Variants in NPTX2 observed in about 807,000 individuals in gnomAD.
NPTX2 encodes neuronal pentraxin-2.
NPTX2 carries 23 observed loss-of-function variants against 38.1 expected under a neutral mutation model. The observed-to-expected ratio is 0.60, with a 90% CI of 0.43 to 0.85. The LOEUF (loss-of-function observed/expected upper bound fraction) is 0.85. Ranked by LOEUF, NPTX2 falls within the 40% of genes least tolerant of loss-of-function variation. The pLI is 0.00. For missense variants in NPTX2, 553 were observed against 615.3 expected, an observed-to-expected ratio of 0.90 and a Z score of 1.07; for synonymous variants, 291 against 287.3, an observed-to-expected ratio of 1.01 and a Z score of -0.13.
rs928063046 is a variant in NPTX2, at chr7:98,625,219, G to T, written c.888+53G>T. On this transcript the variant is annotated intron_variant, in intron 3 of 4. Coordinates refer to ENST00000265634, the MANE Select transcript of NPTX2 (RefSeq NM_002523.3). Reference sequence around the variant, plus strand: ...CCCAGAACCCATCATGTGGTGGAGGGAGCCACAGCCCCCACCCCAGCCGTC... The same window carrying T: ...CCCAGAACCCATCATGTGGTGGAGGTAGCCACAGCCCCCACCCCAGCCGTC... 7 of 1,539,046 alleles carry T rather than the reference G, an allele frequency of 4.5e-6. No individual in the cohort carries two copies. The African/African-American group carries it at 9.5e-5, about 21-fold the overall frequency.
chr7:98,619,995 A>T, intron 2 of NPTX2, 136 bp downstream of exon 2: 2 of 749,106 alleles, frequency 2.7e-6, no homozygotes, highest in East Asian at 2.7e-5. Context: ...TGAGCAAATA[A>T]TAAAGGCGAC....
At chr7:98,625,201 C>A in intron 3 of NPTX2, 35 bp downstream of exon 3, 1 of 1,554,388 alleles carries the variant, frequency 6.4e-7, no homozygotes, top group Non-Finnish European at 8.7e-7. Flanking sequence ...CTCCCCAGAA[C>A]CCATCATGTG....
At chr7:98,626,337 G>A (rs1282918333) in intron 3 of NPTX2, among the ~76,000 whole-genome samples, 1 of 151,428 alleles carries the variant, frequency 6.6e-6, no homozygotes, top group African/African-American at 2.4e-5. Context: ...TGGAGGCGGG[G>A]GCAGTTCAGC....
At chr7:98,624,834 G>A in intron 2 of NPTX2, 88 bp from the exon 3 acceptor site, 1 of 1,501,024 alleles carries the variant, frequency 6.7e-7, no homozygotes, top group South Asian at 1.3e-5. Context: ...ACCTTCTTGT[G>A]GGTCTAGCAA....
chr7:98,619,771 C>CCTTG lies in NPTX2; in HGVS notation c.557_558insTGCT (p.Leu187AlafsTer5). The CCTTG allele has an allele frequency of 1.2e-6, 2 of 1,613,686 alleles. No individual in the cohort carries two copies. Among genetic ancestry groups the CCTTG allele is most frequent in the Non-Finnish European group, 1.7e-6 (2 of 1,180,034 alleles). On this transcript the variant is annotated frameshift_variant, in exon 2 of 5. Transcript: ENST00000265634. LOFTEE classifies it high-confidence loss of function. The stretch of plus-strand genomic sequence containing the variant: ...TGGCAGAGCTGGAGGACGAGAAGTC[C>CCTTG]CTGCTGCACAATGAGACCTCGGCTC...
rs1055069498 is a variant in NPTX2 at position 98,617,311 on chromosome 7, G to A, written c.-151G>A. ...GAGTGCCGAGCAGCGCGGTGGGTGC[G>A]GCTGTGAGACGGCAGGAGACTTCTG... is the stretch of plus-strand genomic sequence containing the variant. On this transcript the variant is annotated 5_prime_UTR_variant, in exon 1 of 5. Coordinates refer to ENST00000265634, the MANE Select transcript of NPTX2 (RefSeq NM_002523.3). 4 of 282,814 alleles carry A rather than the reference G, an allele frequency of 1.4e-5. No individual in the cohort carries two copies. In the East Asian group the frequency reaches 2.6e-4, roughly 18 times the overall value. 17.5% of individuals were successfully genotyped at this position (282,814 alleles called of 1,614,324 possible).
At chr7:98,620,152 TTTCTC>T (rs2115613817) in intron 2 of NPTX2, 1 of 445,294 alleles carries the variant, frequency 2.2e-6, no homozygotes, top group East Asian at 4.5e-5. Flanking sequence ...TCTGTGTATC[TTTCTC>T]TTCTCTGCTC....
intron 1 of NPTX2, among the ~76,000 whole-genome samples, chr7:98,618,649 G>A (rs1008131942): frequency 2.6e-4 from 37 of 140,066 alleles, no homozygotes; most frequent in African/African-American, 9.6e-4. Context: ...CTCTGAAAAT[G>A]CGTGCAGTTT....
intron 1 of NPTX2, among the ~76,000 whole-genome samples, chr7:98,618,525 A>T (rs867343104): frequency 7.4e-6 from 1 of 135,954 alleles, no homozygotes; most frequent in Admixed American, 7.5e-5. Flanking sequence ...GCTCTTCCGG[A>T]TTGCTTCAGG....
At position 98,628,754 on chromosome 7, in the gene NPTX2, A is replaced by G. The variant is rs1276279645; in HGVS notation, c.*125A>G. ...GGTTCCCAGAGCTCATTCCCCAGGA[A>G]TCTCTAAGACCAGGGCTGGGGCAGT... On this transcript the variant is annotated 3_prime_UTR_variant, in exon 5 of 5. Coordinates refer to ENST00000265634, the MANE Select transcript of NPTX2 (RefSeq NM_002523.3). The G allele has an allele frequency of 1.8e-6, 1 of 561,092 alleles. No individual in the cohort carries two copies. The highest frequency in any genetic ancestry group is 3.2e-6 in the Non-Finnish European group (1 of 313,702). 34.8% of individuals were successfully genotyped at this position (561,092 alleles called of 1,614,324 possible).
At chr7:98,625,529 C>G (rs1394868181) in intron 3 of NPTX2, among the ~76,000 whole-genome samples, 1 of 152,118 alleles carries the variant, frequency 6.6e-6, no homozygotes, top group Non-Finnish European at 1.5e-5. Flanking sequence ...GTGTGTGTCT[C>G]AGTGTAAGAG....
In NPTX2 at chr7:98,625,108, A is replaced by G; in HGVS notation, c.830A>G (p.Asn277Ser). 1.2e-6 allele frequency: 2 copies of G among 1,611,832 alleles called. No homozygotes were observed. Among genetic ancestry groups the G allele is most frequent in the Non-Finnish European group, 1.7e-6 (2 of 1,179,320 alleles). ...TCCTATGCGGTGCCAGGGCAGGCCA[A>G]CGAGATCGTGCTGATCGAGTGGGGC... Reference protein sequence around the residue: ...PFSYAVPGQANEIVLIEWGNN... With the variant: ...PFSYAVPGQASEIVLIEWGNN... Residue 277 changes from asparagine to serine, a missense_variant, in exon 3 of 5, where the codon AAC becomes AGC. Asn to Ser is a conservative substitution (Grantham distance 46). Coordinates refer to ENST00000265634, the MANE Select transcript of NPTX2 (RefSeq NM_002523.3).
At chr7:98,619,423 T>A (rs1224392254) in intron 1 of NPTX2, among the ~76,000 whole-genome samples, 1 of 152,180 alleles carries the variant, frequency 6.6e-6, no homozygotes, top group East Asian at 1.9e-4. Context: ...AAAATTAGAT[T>A]CACAAGTTTC....
At position 98,625,034 on chromosome 7, in the gene NPTX2, C is replaced by T; in HGVS notation, c.756C>T (p.Ile252=). The change falls in exon 3 of 5, where the codon ATC becomes ATT. Residue 252 remains isoleucine (I), a synonymous_variant. Coordinates refer to ENST00000265634, the MANE Select transcript of NPTX2 (RefSeq NM_002523.3). ...TGCCTGAGCTGTACGCCTTCACCAT[C>T]TGCCTGTGGCTGCGGTCCAGCGCCT... ...KTLPELYAFT[I]CLWLRSSASP... is the part of the protein sequence containing the mutation. 1.2e-6 allele frequency: 2 copies of T among 1,613,798 alleles called. No individual in the cohort carries two copies. Among genetic ancestry groups the T allele is most frequent in the South Asian group, 1.1e-5 (1 of 91,088 alleles).
intron 2 of NPTX2, among the ~76,000 whole-genome samples, chr7:98,621,101 A>C (rs765272732): frequency 2.0e-5 from 3 of 151,692 alleles, no homozygotes; most frequent in African/African-American, 7.3e-5. Context: ...ATCAACCTGC[A>C]CCTCCTCCTT....
intron 2 of NPTX2, among the ~76,000 whole-genome samples, chr7:98,621,095 A>G (rs1231571976): frequency 1.3e-5 from 2 of 152,110 alleles, no homozygotes; most frequent in South Asian, 2.1e-4. Context: ...AGTCACATCA[A>G]CCTGCACCTC....
chr7:98,628,365 C>T, intron 4 of NPTX2, 37 bp from the exon 5 acceptor site: 1 of 1,061,234 alleles, frequency 9.4e-7, no homozygotes, highest in East Asian at 2.5e-5. Context: ...GACTTGTGAA[C>T]CAGCCCTGAC....
chr7:98,620,988 T>G (rs1347946567), intron 2 of NPTX2, among the ~76,000 whole-genome samples: 2 of 152,106 alleles, frequency 1.3e-5, no homozygotes, highest in Admixed American at 1.3e-4. Flanking sequence ...TATGCCCGTT[T>G]CATAGATGAG....
intron 2 of NPTX2, among the ~76,000 whole-genome samples, chr7:98,623,911 C>G (rs1021067177): frequency 6.6e-6 from 1 of 152,222 alleles, no homozygotes; most frequent in Non-Finnish European, 1.5e-5. Flanking sequence ...ATCTACCTTT[C>G]TTCTGCTCCT....
Sources: gnomAD v4.1 joint callset for allele counts (sites outside exome capture counted in the v4.1 genomes callset) on GRCh38, gnomAD v4.1.1 for gene constraint, MANE v1.5 for transcripts, NCBI Gene and HGNC (gene_info 2026-07-23, HGNC 2026-07-21) for gene names.